Variants in ZNF667 observed in about 807,000 individuals in gnomAD.
The protein encoded by ZNF667 is zinc finger protein 667.
Under a neutral mutation model 31.8 loss-of-function variants are expected in ZNF667, and 13 were observed. That is an observed-to-expected ratio of 0.41 (90% CI 0.27 to 0.65). The LOEUF is 0.65. ZNF667 is among the 30% of genes least tolerant of loss of function. The pLI is 0.32. For synonymous variants in ZNF667, 228 were observed against 247.1 expected (o/e 0.92, Z 0.73); for missense variants, 642 against 725.6 (o/e 0.88, Z 1.32).
intron 1 of ZNF667, among the ~76,000 whole-genome samples, chr19:56,476,479 C>G (rs2043410064): frequency 6.6e-6 from 1 of 152,162 alleles, no homozygotes; most frequent in Non-Finnish European, 1.5e-5. Flanking sequence ...AAAACGACCA[C>G]CAGCACCATA....
intron 3 of ZNF667, among the ~76,000 whole-genome samples, chr19:56,466,547 G>T (rs1250495105): frequency 6.6e-6 from 1 of 152,056 alleles, no homozygotes; most frequent in African/African-American, 2.4e-5. Flanking sequence ...GGGACCCCTG[G>T]TTACCAGGCC....
Position 56,439,842 on chromosome 19 carries a change from T to C in ZNF667, c.*1320A>G, listed in dbSNP as rs550753234. On this transcript the variant is annotated 3_prime_UTR_variant, in exon 7 of 7. Transcript: ENST00000504904. ...GCTAATTTTTTGTATTTTTTTTCAG[T>C]GGAGACGGGGTTTCACCGTGTTAGC... 1.3e-5 allele frequency: 2 copies of C among 152,414 alleles called. No homozygotes were observed. Among genetic ancestry groups the C allele is most frequent in the South Asian group, 4.1e-4 (2 of 4,828 alleles). The allele number at this position is 152,414 out of a possible 1,614,324, so 9.4% of individuals were successfully genotyped here.
chr19:56,447,143 C>T (rs529627443), intron 6 of ZNF667, among the ~76,000 whole-genome samples: 1 of 144,100 alleles, frequency 6.9e-6, no homozygotes, highest in Non-Finnish European at 1.6e-5. Context: ...TCCAATCACA[C>T]AAAAATGAAA....
intron 6 of ZNF667, among the ~76,000 whole-genome samples, chr19:56,457,336 G>A (rs551616381): frequency 6.6e-6 from 1 of 152,292 alleles, no homozygotes; most frequent in African/African-American, 2.4e-5. Flanking sequence ...AAGCAGAGAT[G>A]CAGGGGGACA....
chr19:56,469,533 C>T (rs1178344512), intron 3 of ZNF667, among the ~76,000 whole-genome samples: 1 of 152,164 alleles, frequency 6.6e-6, no homozygotes, highest in Non-Finnish European at 1.5e-5. Context: ...CACCCCCACC[C>T]CCATGCCAGT....
chr19:56,458,494 T>C (rs1465282250), intron 5 of ZNF667, among the ~76,000 whole-genome samples: 1 of 152,190 alleles, frequency 6.6e-6, no homozygotes, highest in Admixed American at 6.5e-5. Context: ...TTTTCTATGT[T>C]AATGAGAAGA....
intron 4 of ZNF667, among the ~76,000 whole-genome samples, chr19:56,461,304 T>C (rs59939853): frequency 0.016 from 2,507 of 152,348 alleles, 80 homozygotes; most frequent in African/African-American, 0.058. Context: ...CATGTGAATA[T>C]GTTACACATG....
chr19:56,473,387 G>C (rs972274980), intron 2 of ZNF667, among the ~76,000 whole-genome samples: 1 of 152,100 alleles, frequency 6.6e-6, no homozygotes, highest in Non-Finnish European at 1.5e-5. Context: ...CAGGAAGCAG[G>C]GCCAATGCTA....
chr19:56,465,552 T>C (rs1408134018), intron 3 of ZNF667, among the ~76,000 whole-genome samples: 1 of 152,274 alleles, frequency 6.6e-6, no homozygotes, highest in African/African-American at 2.4e-5. Context: ...TTCTCACATC[T>C]GGTGGCAAGT....
chr19:56,463,011 C>T (rs1038431434), intron 3 of ZNF667, among the ~76,000 whole-genome samples: 3 of 151,878 alleles, frequency 2.0e-5, no homozygotes, highest in African/African-American at 4.8e-5. Flanking sequence ...CAGGTGTCAG[C>T]GTCATGGGTG....
chr19:56,448,384 T>A (rs542288517), intron 6 of ZNF667, among the ~76,000 whole-genome samples: 1 of 152,188 alleles, frequency 6.6e-6, no homozygotes, highest in Non-Finnish European at 1.5e-5. Context: ...GTGTCCTAAG[T>A]AAATCTGAAA....
chr19:56,455,910 G>C (rs923690848), intron 6 of ZNF667, among the ~76,000 whole-genome samples: 2 of 151,912 alleles, frequency 1.3e-5, no homozygotes, highest in African/African-American at 4.8e-5. Flanking sequence ...TCTATATCCC[G>C]TAAAAATTAA....
chr19:56,458,636 C>G (rs1208201269), intron 5 of ZNF667, among the ~76,000 whole-genome samples: 1 of 152,124 alleles, frequency 6.6e-6, no homozygotes, highest in Non-Finnish European at 1.5e-5. Flanking sequence ...GAGCCAATCA[C>G]TAATGGCCAA....
Position 56,462,342 on chromosome 19 carries a change from G to C in ZNF667, c.29C>G (p.Ser10Cys). The C allele has an allele frequency of 6.2e-7, 1 of 1,614,208 alleles. No homozygotes were observed. Among genetic ancestry groups the C allele is most frequent in the Non-Finnish European group, 8.5e-7 (1 of 1,180,038 alleles). Residue 10 changes from serine (S) to cysteine (C), a missense_variant, in exon 4 of 7, where the codon TCC becomes TGC. By Grantham distance (112) the Ser-to-Cys change is moderately radical. Coordinates refer to ENST00000504904, the MANE Select transcript of ZNF667 (RefSeq NM_001321356.2). ...GGAAGAGGAATTGCCACTTACCTTG[G>C]ATTTGGATTTCCCCCGTGCAGAAGG... MPSARGKSKSKAPITFGDLA... is the reference protein window; with the variant it reads MPSARGKSKCKAPITFGDLA...
intron 5 of ZNF667, 143 bp downstream of exon 5, chr19:56,460,546 G>T: frequency 2.3e-6 from 2 of 857,898 alleles, no homozygotes; most frequent in Non-Finnish European, 3.3e-6. Context: ...TTTTATGGGT[G>T]AATTGTATAG....
rs756331417 is a variant in ZNF667 at position 56,460,694 on chromosome 19, G to A, written c.155C>T (p.Ser52Leu). ...TGGGGGACGAAGAGCCTTACCAAGC[G>A]AGACCAGGTTCCGGTAATTCTCCAA... The part of the protein sequence containing the change: ...VMLENYRNLV[S>L]LGLSFRRPNV... The change falls in exon 5 of 7, where the codon TCG becomes TTG. Residue 52 changes from serine (S) to leucine (L), a missense_variant. Physicochemically the swap from Ser to Leu is moderately radical, Grantham distance 145 (BLOSUM62 -2). Transcript: ENST00000504904. The A allele has an allele frequency of 1.2e-5, 20 of 1,611,552 alleles. No individual in the cohort carries two copies. The highest frequency in any genetic ancestry group is 5.3e-5 in the African/African-American group (4 of 74,796).
rs897456469 is a variant in ZNF667 at position 56,462,444 on chromosome 19, C to T, written c.-59-15G>A. On this transcript the variant is annotated splice_polypyrimidine_tract_variant and intron_variant, in intron 3 of 6. Transcript: ENST00000504904. ...GTAAGGCAGGGCTGTGGGGAGAAGA[C>T]AGGTCATGAGGCAGTGCCAGAGTCC... is the stretch of plus-strand genomic sequence containing the variant. The T allele has an allele frequency of 6.3e-7, 1 of 1,585,066 alleles. No individual in the cohort carries two copies. Among genetic ancestry groups the T allele is most frequent in the Non-Finnish European group, 8.7e-7 (1 of 1,153,530 alleles).
In ZNF667 at chr19:56,441,906, A is replaced by G; in HGVS notation, c.1089T>C (p.Cys363=). ...TSEKPYKCDK[C]DKFFRRLSTL... ...TTGAAAGCCGCCTGAAGAACTTGTCACATTTATCACATTTGTACGGTTTCT... is the reference window on the plus strand; with the variant it reads ...TTGAAAGCCGCCTGAAGAACTTGTCGCATTTATCACATTTGTACGGTTTCT... The change falls in exon 7 of 7, where the codon TGT becomes TGC. Residue 363 remains cysteine, a synonymous_variant. Transcript: ENST00000504904. This position sits in a 1 kb window ranked among gnomAD's most constrained non-coding sequence, Gnocchi z 4.2. 6.2e-7 allele frequency: 1 copy of G among 1,614,178 alleles called. No homozygotes were observed. Among genetic ancestry groups the G allele is most frequent in the Non-Finnish European group, 8.5e-7 (1 of 1,180,028 alleles).
chr19:56,442,106 C>G lies in ZNF667; in HGVS notation c.889G>C (p.Val297Leu). The G allele has an allele frequency of 6.2e-7, 1 of 1,613,754 alleles. No homozygotes were observed. The highest frequency in any genetic ancestry group is 8.5e-7 in the Non-Finnish European group (1 of 1,179,908). Reference protein sequence around the residue: ...GRGFKKKSVFVVHKRIHAGEK... With the variant: ...GRGFKKKSVFLVHKRIHAGEK... Reference sequence around the variant, plus strand: ...CCAGCATGAATTCTTTTATGTACAACAAAGACTGATTTCTTTTTGAAGCCT... The same window carrying G: ...CCAGCATGAATTCTTTTATGTACAAGAAAGACTGATTTCTTTTTGAAGCCT... Residue 297 changes from valine (V) to leucine (L), a missense_variant, in exon 7 of 7, where the codon GTT becomes CTT. By Grantham distance (32) the Val-to-Leu change is conservative. Transcript: ENST00000504904.
Sources: allele counts gnomAD v4.1 joint callset (sites outside exome capture counted in the v4.1 genomes callset), GRCh38; gene constraint gnomAD v4.1.1; non-coding constraint Gnocchi (gnomAD v3.1); transcripts MANE v1.5; gene names NCBI Gene and HGNC (gene_info 2026-07-23, HGNC 2026-07-21).